Variants in ESRRG observed in about 807,000 individuals in gnomAD.
ESRRG encodes the protein estrogen related receptor gamma, also known as estrogen-related receptor gamma.
A neutral mutation model predicts 44.0 loss-of-function variants in ESRRG; 13 were observed. The observed-to-expected ratio is 0.30, with a 90% CI of 0.19 to 0.47. ESRRG has a LOEUF of 0.47. ESRRG is among the 20% of genes least tolerant of loss of function. The probability of loss-of-function intolerance (pLI) is 1.00; values close to 1 mark genes in which losing one functional copy is unlikely to be tolerated. For missense variants in ESRRG, 395 were observed against 580.6 expected, an observed-to-expected ratio of 0.68 and a Z score of 3.29; for synonymous variants, 215 against 214.6, an observed-to-expected ratio of 1.00 and a Z score of -0.02.
At chr1:216,586,962 T>C (rs913459469) in intron 3 of ESRRG, among the ~76,000 whole-genome samples, 12 of 152,168 alleles carry the variant, frequency 7.9e-5, no homozygotes, top group African/African-American at 2.9e-4. Flanking sequence ...CTTCAACATC[T>C]GCTGTTCAAC....
chr1:216,603,951 A>AACAAT (rs1475532582), intron 3 of ESRRG, among the ~76,000 whole-genome samples: 3 of 148,230 alleles, frequency 2.0e-5, no homozygotes, highest in African/African-American at 7.4e-5. Context: ...AAAACAAAAA[A>AACAAT]AAAAAAAAAA....
At position 216,826,971 on chromosome 1, in the gene ESRRG, G is replaced by T. The variant is rs550402845; in HGVS notation, c.-14+112611C>A. Among the ~76,000 whole-genome samples, 7 of 152,264 alleles carry T rather than the reference G, an allele frequency of 4.6e-5. No individual in the cohort carries two copies. The East Asian group carries it at 7.7e-4, about 17-fold the overall frequency. On this transcript the variant is annotated intron_variant, in intron 2 of 7. Transcript: ENST00000359162. ...CTCTCTTTCCCAACTATATGAGCAG[G>T]GGGGTGATCCCTGCTGTCCATCACA...
At chr1:216,575,914 G>A (rs2061607830) in intron 3 of ESRRG, among the ~76,000 whole-genome samples, 1 of 152,032 alleles carries the variant, frequency 6.6e-6, no homozygotes, top group Non-Finnish European at 1.5e-5. Context: ...AGGGCTAGGC[G>A]ATTTTGCCTC....
At chr1:216,686,796 T>A (rs969389041) in intron 1 of ESRRG, among the ~76,000 whole-genome samples, 5 of 152,156 alleles carry the variant, frequency 3.3e-5, no homozygotes, top group Non-Finnish European at 7.3e-5. Flanking sequence ...ACCCTGACTC[T>A]CAGTTTTCTC....
chr1:216,562,794 A>G (rs1300226249), intron 5 of ESRRG, among the ~76,000 whole-genome samples: 3 of 152,094 alleles, frequency 2.0e-5, no homozygotes, highest in Non-Finnish European at 4.4e-5. Flanking sequence ...GTGTCTATGG[A>G]CACTTCAACA....
intron 1 of ESRRG, among the ~76,000 whole-genome samples, chr1:216,987,949 C>A (rs2075126614): frequency 6.6e-6 from 1 of 152,146 alleles, no homozygotes; most frequent in Admixed American, 6.5e-5. Context: ...AGTTTCCCAG[C>A]AAGACTGAAC....
Position 216,604,012 on chromosome 1 carries a change from T to C in ESRRG, c.590-35914A>G, listed in dbSNP as rs1166067102. On this transcript the variant is annotated intron_variant, in intron 3 of 6. Coordinates refer to ENST00000408911, the MANE Select transcript of ESRRG (RefSeq NM_001438.4). ...GCCATCACACCCTAGTCACACATTC[T>C]AGCATCCTGTGAGGAAATGAGGGCG... Among the ~76,000 whole-genome samples the C allele has an allele frequency of 6.0e-5, 9 of 150,658 alleles. No homozygotes were observed. In the East Asian group the frequency reaches 1.7e-3, roughly 29 times the overall value.
intron 6 of ESRRG, among the ~76,000 whole-genome samples, chr1:216,511,902 T>C (rs1339816198): frequency 6.6e-6 from 1 of 152,202 alleles, no homozygotes; most frequent in Non-Finnish European, 1.5e-5. Flanking sequence ...TTTGAGTACA[T>C]GTGTTTATAA....
chr1:216,879,372 T>C (rs1258810921), intron 2 of ESRRG, among the ~76,000 whole-genome samples: 2 of 151,460 alleles, frequency 1.3e-5, no homozygotes. Context: ...TGATTACTGA[T>C]ATTATTATCC....
At chr1:216,638,204 A>G (rs2065685116) in intron 3 of ESRRG, among the ~76,000 whole-genome samples, 2 of 152,180 alleles carry the variant, frequency 1.3e-5, no homozygotes, top group Admixed American at 6.5e-5. Context: ...CATTTACCAG[A>G]TGCTGTACCA....
chr1:216,625,914 T>C (rs1311568219), intron 3 of ESRRG, among the ~76,000 whole-genome samples: 2 of 152,176 alleles, frequency 1.3e-5, no homozygotes, highest in East Asian at 3.9e-4. Flanking sequence ...TTACTGTCTC[T>C]ATCTTTGTCT....
intron 2 of ESRRG, among the ~76,000 whole-genome samples, chr1:216,925,245 T>G (rs1432745445): frequency 1.3e-5 from 2 of 151,966 alleles, no homozygotes; most frequent in Non-Finnish European, 2.9e-5. Context: ...AAGACCAGCC[T>G]GGCCAACATG....
Position 216,568,235 on chromosome 1 carries a change from T to C in ESRRG, c.590-137A>G, listed in dbSNP as rs372111220. The C allele has an allele frequency of 1.1e-5, 7 of 635,582 alleles. 1 individual carries two copies. The highest frequency in any genetic ancestry group is 2.8e-5 in the East Asian group (1 of 35,428). The allele number at this position is 635,582 out of a possible 1,614,324, so 39.4% of individuals were successfully genotyped here. ...GAATGGACCAGGGGTACTCAAATAA[T>C]GTAAATAAGTGGTGGCTAAATCAAA... is the stretch of plus-strand genomic sequence containing the variant. On this transcript the variant is annotated intron_variant, in intron 3 of 6. Transcript: ENST00000408911.
At chr1:216,546,742 T>C (rs760577838) in intron 5 of ESRRG, among the ~76,000 whole-genome samples, 3 of 152,046 alleles carry the variant, frequency 2.0e-5, no homozygotes, top group African/African-American at 7.2e-5. Flanking sequence ...TAATTTGGTT[T>C]AGCATAGTGG....
chr1:216,750,632 C>T (rs998409940), intron 2 of ESRRG, among the ~76,000 whole-genome samples: 4 of 151,972 alleles, frequency 2.6e-5, no homozygotes, highest in African/African-American at 9.7e-5. Flanking sequence ...AAATATATGT[C>T]CTGACAACCT....
intron 1 of ESRRG, among the ~76,000 whole-genome samples, chr1:217,006,924 G>C (rs1270014355): frequency 6.6e-6 from 1 of 152,030 alleles, no homozygotes; most frequent in Non-Finnish European, 1.5e-5. Context: ...TTTAGCTGCT[G>C]TGCTGTTTTA....
intron 1 of ESRRG, among the ~76,000 whole-genome samples, chr1:217,116,590 T>TA (rs2092731568): frequency 6.6e-6 from 1 of 152,242 alleles, no homozygotes. Flanking sequence ...GTAACTTTGA[T>TA]ATTTCCTGTT....
chr1:216,954,634 T>C (rs1353797464), intron 1 of ESRRG, among the ~76,000 whole-genome samples: 1 of 152,178 alleles, frequency 6.6e-6, no homozygotes, highest in Non-Finnish European at 1.5e-5. Flanking sequence ...AGTTGAACAA[T>C]ATTCTGATTA....
At chr1:216,854,881 T>C (rs927757707) in intron 2 of ESRRG, among the ~76,000 whole-genome samples, 1 of 152,138 alleles carries the variant, frequency 6.6e-6, no homozygotes, top group African/African-American at 2.4e-5. Flanking sequence ...ACATGTTAAG[T>C]TTCACTGAAT....
Sources: gnomAD v4.1 joint callset for allele counts (sites outside exome capture counted in the v4.1 genomes callset) on GRCh38, gnomAD v4.1.1 for gene constraint, MANE v1.5 for transcripts, NCBI Gene and HGNC (gene_info 2026-07-23, HGNC 2026-07-21) for gene names.